Variants in ATP2B2 observed in about 807,000 individuals in gnomAD.
ATP2B2 encodes the protein ATPase plasma membrane Ca2+ transporting 2, also known as plasma membrane calcium-transporting ATPase 2.
Under a neutral mutation model 120.0 loss-of-function variants are expected in ATP2B2, and 15 were observed. The ratio of observed to expected loss-of-function variants is 0.12; its 90% CI spans 0.08 to 0.19. The LOEUF is 0.19. Among genes scored for constraint, ATP2B2 ranks in the 10% least tolerant of loss-of-function variants. ATP2B2 has a pLI of 1.00. For missense variants in ATP2B2, 1,045 were observed against 1,719.8 expected (o/e 0.61, Z 6.94); for synonymous variants, 694 against 700.3 (o/e 0.99, Z 0.14).
chr3:10,706,869 C>G (rs2071904093), intron 1 of ATP2B2, among the ~76,000 whole-genome samples: 1 of 152,174 alleles, frequency 6.6e-6, no homozygotes, highest in Non-Finnish European at 1.5e-5. Context: ...AAACAGCAGT[C>G]CTCTCCATCC....
chr3:10,440,104 A>G, intron 2 of ATP2B2, among the ~76,000 whole-genome samples: 1 of 143,764 alleles, frequency 7.0e-6, no homozygotes, highest in African/African-American at 2.5e-5. Context: ...TCTATCTAAA[A>G]AAAAAAAAAA....
chr3:10,495,363 G>A (rs529227428), intron 1 of ATP2B2, among the ~76,000 whole-genome samples: 4 of 152,208 alleles, frequency 2.6e-5, no homozygotes, highest in African/African-American at 7.2e-5. Flanking sequence ...ATGCAAAGGG[G>A]CAGGAGCAGA....
chr3:10,599,239 G>A (rs1463172191), intron 2 of ATP2B2, among the ~76,000 whole-genome samples: 1 of 152,218 alleles, frequency 6.6e-6, no homozygotes, highest in Non-Finnish European at 1.5e-5. Context: ...GGCTGGGTGT[G>A]GGTTTGACAG....
At chr3:10,551,841 G>T (rs2067676269) in intron 2 of ATP2B2, among the ~76,000 whole-genome samples, 1 of 152,208 alleles carries the variant, frequency 6.6e-6, no homozygotes, top group South Asian at 2.1e-4. Flanking sequence ...CTGTTGAAAA[G>T]GGGACTCTAG....
chr3:10,388,082 TG>T, intron 6 of ATP2B2, 194 bp downstream of exon 6: 1 of 726,372 alleles, frequency 1.4e-6, no homozygotes, highest in Non-Finnish European at 2.3e-6. Flanking sequence ...AGACAGAGAC[TG>T]GGACAAGACC....
intron 1 of ATP2B2, among the ~76,000 whole-genome samples, chr3:10,691,544 C>T (rs1205410128): frequency 6.6e-6 from 1 of 152,232 alleles, no homozygotes; most frequent in African/African-American, 2.4e-5. Flanking sequence ...GCTCCACCAC[C>T]ACCCAGCTCA....
intron 2 of ATP2B2, among the ~76,000 whole-genome samples, chr3:10,443,439 G>A (rs2063733299): frequency 6.6e-6 from 1 of 152,200 alleles, no homozygotes; most frequent in South Asian, 2.1e-4. Context: ...GAATGGCCAT[G>A]TGACTATAAG....
At chr3:10,655,961 G>A (rs181635356) in intron 1 of ATP2B2, among the ~76,000 whole-genome samples, 35 of 152,288 alleles carry the variant, frequency 2.3e-4, no homozygotes, top group Admixed American at 2.1e-3. Context: ...AGGACAAAAC[G>A]TTTCTTCTCT....
chr3:10,689,746 G>A (rs1480284238), intron 1 of ATP2B2, among the ~76,000 whole-genome samples: 2 of 152,200 alleles, frequency 1.3e-5, no homozygotes, highest in Non-Finnish European at 2.9e-5. Context: ...AAACCACTCA[G>A]ATGCTGTACT....
At position 10,609,077 on chromosome 3, in the gene ATP2B2, C is replaced by G. The variant is rs77505550; in HGVS notation, c.-415+10840G>C. On this transcript the variant is annotated intron_variant, in intron 2 of 21. Transcript: ENST00000646379. ...CGCTGCTTCATGGAATGAGCAGGAA[C>G]GGACTCTGAGCTGTTTCCTCCTCCA... Among the ~76,000 whole-genome samples the G allele has an allele frequency of 5.3e-5, 8 of 152,322 alleles. No homozygotes were observed. In the East Asian group the frequency reaches 1.5e-3, roughly 29 times the overall value.
intron 1 of ATP2B2, among the ~76,000 whole-genome samples, chr3:10,472,628 A>G (rs1209350858): frequency 6.6e-6 from 1 of 152,280 alleles, no homozygotes; most frequent in East Asian, 1.9e-4. Flanking sequence ...CCGAAATCCA[A>G]TGTCACTTCT....
At chr3:10,545,444 G>C (rs112031109) in intron 2 of ATP2B2, among the ~76,000 whole-genome samples, 1 of 151,642 alleles carries the variant, frequency 6.6e-6, no homozygotes, top group Non-Finnish European at 1.5e-5. Context: ...CGAGAGAATC[G>C]CTTGAACTCA....
At chr3:10,349,710 C>T (rs1013156613) in intron 16 of ATP2B2, among the ~76,000 whole-genome samples, 1 of 151,976 alleles carries the variant, frequency 6.6e-6, no homozygotes, top group African/African-American at 2.4e-5. Context: ...GGCTGAGTAT[C>T]AGACAACAAG....
At chr3:10,416,509 T>C (rs527317971) in intron 2 of ATP2B2, among the ~76,000 whole-genome samples, 52 of 152,346 alleles carry the variant, frequency 3.4e-4, no homozygotes, top group African/African-American at 1.2e-3. Context: ...TCAATTCCCA[T>C]ATAGAAATCT....
intron 2 of ATP2B2, among the ~76,000 whole-genome samples, chr3:10,440,412 A>G (rs1365126690): frequency 1.3e-5 from 2 of 152,220 alleles, no homozygotes; most frequent in African/African-American, 4.8e-5. Flanking sequence ...GACAGTCTAC[A>G]TACACAGCAT....
At chr3:10,490,623 T>G (rs1200024955) in intron 1 of ATP2B2, among the ~76,000 whole-genome samples, 1 of 152,094 alleles carries the variant, frequency 6.6e-6, no homozygotes, top group Non-Finnish European at 1.5e-5. Context: ...GGTCTCGAGC[T>G]CCTGGCCTCA....
chr3:10,449,985 C>T, intron 1 of ATP2B2, 123 bp from the exon 2 acceptor site: 1 of 301,004 alleles, frequency 3.3e-6, no homozygotes, highest in Non-Finnish European at 6.5e-6. Flanking sequence ...ACCCATGCCC[C>T]CTAACACACC....
rs1190277487 is a variant in ATP2B2 at position 10,410,627 on chromosome 3, C to T, written c.388G>A (p.Gly130Ser). 1 of 1,605,966 alleles carries T rather than the reference C, an allele frequency of 6.2e-7. No individual in the cohort carries two copies. The highest frequency in any genetic ancestry group is 1.7e-5 in the Admixed American group (1 of 59,650). Residue 130 changes from glycine to serine, a missense_variant, in exon 3 of 23, where the codon GGC (glycine) becomes AGC (serine). Coordinates refer to ENST00000360273, the MANE Select transcript of ATP2B2 (RefSeq NM_001001331.4). ...CTGAGGCCCATCTTACCTTCGTTGC[C>T]CTCGCCGGGCGGGTGGTAGAAGGAC... ...GLSFYHPPGEGNEGCATAQGG... is the reference protein window; with the variant it reads ...GLSFYHPPGESNEGCATAQGG...
intron 11 of ATP2B2, among the ~76,000 whole-genome samples, chr3:10,372,426 C>T (rs1235985051): frequency 1.3e-5 from 2 of 152,244 alleles, no homozygotes; most frequent in Admixed American, 1.3e-4. Context: ...GTAACTATTC[C>T]TTATTTGGTC....
Sources: gnomAD v4.1 joint callset for allele counts (sites outside exome capture counted in the v4.1 genomes callset) on GRCh38, gnomAD v4.1.1 for gene constraint, MANE v1.5 for transcripts, NCBI Gene and HGNC (gene_info 2026-07-23, HGNC 2026-07-21) for gene names.